The following FRAS1 variants were observed in gnomAD, a reference collection of about 807,000 sequenced individuals.
The protein encoded by FRAS1 is extracellular matrix organizing protein FRAS1.
In FRAS1, 290 loss-of-function variants were observed where a neutral mutation model predicts 435.2. That is an observed-to-expected ratio of 0.67 (90% CI 0.61 to 0.73). The LOEUF is 0.73. FRAS1 is among the 30% of genes least tolerant of loss of function. The pLI, the probability that FRAS1 is intolerant of heterozygous loss-of-function variation, is 0.00. For synonymous variants in FRAS1, 1,800 were observed against 1,851.0 expected, an observed-to-expected ratio of 0.97 and a Z score of 0.71; for missense variants, 4,860 against 5,001.5, an observed-to-expected ratio of 0.97 and a Z score of 0.85.
At chr4:78,210,933 C>CA (rs1283520039) in intron 2 of FRAS1, among the ~76,000 whole-genome samples, 1 of 152,158 alleles carries the variant, frequency 6.6e-6, no homozygotes, top group Non-Finnish European at 1.5e-5. Flanking sequence ...CCCATGTCCG[C>CA]ACCCACCAAG....
intron 61 of FRAS1, among the ~76,000 whole-genome samples, chr4:78,505,131 C>A (rs62310262): frequency 6.6e-6 from 1 of 151,950 alleles, no homozygotes; most frequent in South Asian, 2.1e-4. Context: ...GTGGGTAATC[C>A]GACCTTTCTC....
intron 2 of FRAS1, among the ~76,000 whole-genome samples, chr4:78,214,059 G>A (rs970015565): frequency 6.6e-6 from 1 of 152,220 alleles, no homozygotes; most frequent in Non-Finnish European, 1.5e-5. Flanking sequence ...TGGTTCTGGG[G>A]AATTTGGTGG....
At chr4:78,465,820 T>C (rs1276013831) in intron 49 of FRAS1, among the ~76,000 whole-genome samples, 1 of 152,194 alleles carries the variant, frequency 6.6e-6, no homozygotes, top group Non-Finnish European at 1.5e-5. Context: ...TAATTAAAAA[T>C]GAGAAGCTAG....
In FRAS1 at chr4:78,467,337, G is replaced by T. The variant is rs896388189; in HGVS notation, c.7257+902G>T. ...GTGAGAACATGTGATGTTTGATTGT[G>T]CCTGGCTTATTTCACTTAAGGGAAT... On this transcript the variant is annotated intron_variant, in intron 50 of 73. Coordinates refer to ENST00000512123, the MANE Select transcript of FRAS1 (RefSeq NM_025074.7). 6.6e-5 allele frequency among the ~76,000 whole-genome samples: 10 copies of T among 152,212 alleles called. 1 individual carries two copies. The highest frequency in any genetic ancestry group is 3.9e-4 in the East Asian group (2 of 5,176).
chr4:78,115,497 C>G (rs988520116), intron 2 of FRAS1, among the ~76,000 whole-genome samples: 3 of 152,216 alleles, frequency 2.0e-5, no homozygotes, highest in African/African-American at 7.2e-5. Flanking sequence ...ATTATTGCCT[C>G]AATTTCAGAG....
At chr4:78,372,943 A>C in intron 24 of FRAS1, 85 bp downstream of exon 24, 1 of 1,413,602 alleles carries the variant, frequency 7.1e-7, no homozygotes, top group South Asian at 1.5e-5. Context: ...AACAGTGGCA[A>C]GTTTCCCCTT....
At chr4:78,307,211 A>AGTCT (rs1475606192) in intron 14 of FRAS1, among the ~76,000 whole-genome samples, 5 of 152,256 alleles carry the variant, frequency 3.3e-5, no homozygotes, top group South Asian at 2.1e-4. Context: ...TTGAGGAGGC[A>AGTCT]GTCTGCCAGT....
intron 2 of FRAS1, among the ~76,000 whole-genome samples, chr4:78,136,850 C>T (rs1450823229): frequency 6.6e-6 from 1 of 152,150 alleles, no homozygotes; most frequent in Non-Finnish European, 1.5e-5. Flanking sequence ...GTGTGAGCTT[C>T]CCCACCCTAT....
At chr4:78,386,850 A>G (rs1732236050) in intron 28 of FRAS1, among the ~76,000 whole-genome samples, 1 of 152,140 alleles carries the variant, frequency 6.6e-6, no homozygotes, top group African/African-American at 2.4e-5. Context: ...CACCTAGACC[A>G]TAATCTTGGC....
At chr4:78,490,843 C>CAA (rs138274669) in intron 59 of FRAS1, among the ~76,000 whole-genome samples, 4 of 150,554 alleles carry the variant, frequency 2.7e-5, no homozygotes, top group Admixed American at 6.6e-5. Context: ...AAAAATCCTT[C>CAA]AAAAAAATCA....
intron 2 of FRAS1, among the ~76,000 whole-genome samples, chr4:78,152,330 T>C (rs1479435338): frequency 6.6e-6 from 1 of 152,096 alleles, no homozygotes; most frequent in African/African-American, 2.4e-5. Context: ...GAGGTGCAGG[T>C]AGGAGACTGA....
At chr4:78,285,805 T>G (rs1167650326) in intron 13 of FRAS1, among the ~76,000 whole-genome samples, 7 of 152,166 alleles carry the variant, frequency 4.6e-5, no homozygotes, top group Non-Finnish European at 1.0e-4. Context: ...AAGGATCAAG[T>G]GTTTTGATAC....
At chr4:78,444,830 C>G (rs1027550057) in intron 41 of FRAS1, among the ~76,000 whole-genome samples, 2 of 151,966 alleles carry the variant, frequency 1.3e-5, no homozygotes, top group Non-Finnish European at 2.9e-5. Context: ...ATGGTGGTAC[C>G]CAAGCGCCTC....
chr4:78,329,832 G>A (rs1010659982), intron 18 of FRAS1, among the ~76,000 whole-genome samples: 4 of 152,210 alleles, frequency 2.6e-5, no homozygotes, highest in Admixed American at 2.6e-4. Flanking sequence ...TGTGCCTGGA[G>A]CTGAGGCATT....
intron 2 of FRAS1, among the ~76,000 whole-genome samples, chr4:78,082,189 A>G (rs1740927558): frequency 6.6e-6 from 1 of 152,116 alleles, no homozygotes; most frequent in African/African-American, 2.4e-5. Flanking sequence ...TTTGATTCCC[A>G]CTGGCACCCA....
chr4:78,507,449 G>A lies in FRAS1; in HGVS notation c.9345G>A (p.Glu3115=). ...PGVDHIFFKV[E]ILSNEDREWH... ...TGGATCATATCTTTTTTAAAGTTGA[G>A]ATCCTGTCCAATGAAGACCGGGAAT... Residue 3115 remains glutamate, a synonymous_variant, in exon 62 of 74, where the codon GAG becomes GAA. Transcript: ENST00000512123. 6.2e-7 allele frequency: 1 copy of A among 1,610,698 alleles called. No homozygotes were observed. Among genetic ancestry groups the A allele is most frequent in the Non-Finnish European group, 8.5e-7 (1 of 1,178,712 alleles).
chr4:78,334,318 T>C (rs185276047), intron 19 of FRAS1, among the ~76,000 whole-genome samples: 2 of 151,880 alleles, frequency 1.3e-5, no homozygotes, highest in Admixed American at 1.3e-4. Context: ...ATTAGAGCTA[T>C]ACTTTTTAAT....
chr4:78,068,353 G>T (rs956860755), intron 2 of FRAS1, among the ~76,000 whole-genome samples: 17 of 152,174 alleles, frequency 1.1e-4, no homozygotes, highest in African/African-American at 3.9e-4. Context: ...CATACTGAAA[G>T]AGGTAATTAT....
At chr4:78,212,064 TG>T (rs1384596758) in intron 2 of FRAS1, among the ~76,000 whole-genome samples, 1 of 152,246 alleles carries the variant, frequency 6.6e-6, no homozygotes, top group Non-Finnish European at 1.5e-5. Context: ...TGGATGCATA[TG>T]TATGTATATA....
Sources: allele counts gnomAD v4.1 joint callset (sites outside exome capture counted in the v4.1 genomes callset), GRCh38; gene constraint gnomAD v4.1.1; transcripts MANE v1.5; gene names NCBI Gene and HGNC (gene_info 2026-07-23, HGNC 2026-07-21).